The following TUSC3 variants were observed in gnomAD, a reference collection of about 807,000 sequenced individuals.
TUSC3 encodes tumor suppressor candidate 3.
In TUSC3, 45 loss-of-function variants were observed where a neutral mutation model predicts 44.8. That is an observed-to-expected ratio of 1.00 (90% CI 0.79 to 1.29). The LOEUF (loss-of-function observed/expected upper bound fraction) is 1.29, where lower values mean the gene tolerates loss of function less well. Ranked by LOEUF, TUSC3 falls within the 50% of genes most tolerant of loss-of-function variation. TUSC3 has a pLI of 0.00. For missense variants in TUSC3, 519 were observed against 437.9 expected (o/e 1.19, Z -1.65); for synonymous variants, 212 against 152.9 (o/e 1.39, Z -2.85).
the TUSC3 span, among the ~76,000 whole-genome samples, chr8:15,797,355 CT>C: frequency 6.6e-6 from 1 of 151,658 alleles, no homozygotes; most frequent in Non-Finnish European, 1.5e-5. Context: ...TTCTTTTTTT[CT>C]TTTTTTTGGC....
intron 1 of TUSC3, among the ~76,000 whole-genome samples, chr8:15,618,132 G>C (rs774310075): frequency 6.6e-6 from 1 of 152,192 alleles, no homozygotes; most frequent in Non-Finnish European, 1.5e-5. Context: ...AGGCCTGGAG[G>C]TTGCTCTGGG....
chr8:15,529,141 A>G (rs1365704140), intron 2 of TUSC3, among the ~76,000 whole-genome samples: 2 of 152,218 alleles, frequency 1.3e-5, no homozygotes, highest in Non-Finnish European at 2.9e-5. Context: ...TTCTTTAAAT[A>G]TCCGAAGCAC....
chr8:15,692,383 T>TG (rs1563175890), intron 6 of TUSC3, among the ~76,000 whole-genome samples: 2 of 140,418 alleles, frequency 1.4e-5, no homozygotes, highest in Non-Finnish European at 3.1e-5. Context: ...TTGTTTTTTT[T>TG]TTTTTTTTTT....
chr8:15,819,170 T>C, the TUSC3 span, among the ~76,000 whole-genome samples: 1 of 152,342 alleles, frequency 6.6e-6, no homozygotes, highest in Non-Finnish European at 1.5e-5. Flanking sequence ...TCTGGATGTT[T>C]ACGTTTGCAT....
chr8:15,761,198 C>T (rs935582813), intron 10 of TUSC3, among the ~76,000 whole-genome samples: 4 of 152,082 alleles, frequency 2.6e-5, no homozygotes, highest in Non-Finnish European at 5.9e-5. Flanking sequence ...TGCTAATAAA[C>T]CTATGGAATA....
Position 15,746,717 on chromosome 8 carries a change from A to G in TUSC3, c.938-1658A>G, listed in dbSNP as rs578143018. On this transcript the variant is annotated intron_variant, in intron 8 of 10. Coordinates refer to ENST00000503731, the MANE Select transcript of TUSC3 (RefSeq NM_006765.4). The stretch of plus-strand genomic sequence containing the variant: ...ACTAAAAAGGAGCAAAGGGAATGAA[A>G]AGAGTGCTTTATTCTTCTGAAAAAT... Among the ~76,000 whole-genome samples, 247 of 152,214 alleles carry G rather than the reference A, an allele frequency of 1.6e-3. 1 individual carries two copies. Among genetic ancestry groups the G allele is most frequent in the Non-Finnish European group, 1.7e-3 (118 of 67,972 alleles).
At chr8:15,472,844 G>T (rs1319114776) in intron 1 of TUSC3, among the ~76,000 whole-genome samples, 4 of 152,178 alleles carry the variant, frequency 2.6e-5, no homozygotes, top group Non-Finnish European at 5.9e-5. Flanking sequence ...TGGACATAAA[G>T]AGAATGACTA....
At chr8:15,540,132 G>A (rs990167923), upstream of TUSC3, 1 of 376,538 alleles carries the variant, frequency 2.7e-6, no homozygotes, top group Non-Finnish European at 4.7e-6. Flanking sequence ...CCTCAGCGCT[G>A]GTCCGGGAAA....
intron 1 of TUSC3, among the ~76,000 whole-genome samples, chr8:15,455,257 A>G (rs372076056): frequency 2.0e-5 from 3 of 152,174 alleles, no homozygotes; most frequent in African/African-American, 4.8e-5. Flanking sequence ...GTGGATCATA[A>G]TCTAGGAAGC....
chr8:15,591,999 T>A (rs1803862166), intron 1 of TUSC3, among the ~76,000 whole-genome samples: 1 of 152,146 alleles, frequency 6.6e-6, no homozygotes, highest in South Asian at 2.1e-4. Context: ...AGGAGGCAGC[T>A]ATAGTAGTCT....
chr8:15,486,101 T>C (rs1800729366), intron 2 of TUSC3, among the ~76,000 whole-genome samples: 1 of 152,184 alleles, frequency 6.6e-6, no homozygotes, highest in South Asian at 2.1e-4. Flanking sequence ...CTTACTCTGT[T>C]GTCTTTAAGT....
downstream of TUSC3, among the ~76,000 whole-genome samples, chr8:15,770,666 C>T (rs1157023617): frequency 6.6e-6 from 1 of 152,012 alleles, no homozygotes; most frequent in East Asian, 1.9e-4. Flanking sequence ...AGTCATTAGG[C>T]TTGACAGGAG....
intron 2 of TUSC3, among the ~76,000 whole-genome samples, chr8:15,630,463 TATGTC>T (rs56403992): frequency 0.2 from 30,450 of 151,926 alleles, 3,940 homozygotes; most frequent in Non-Finnish European, 0.29. Flanking sequence ...GTATATATAT[TATGTC>T]ATGTGATTCT....
intron 6 of TUSC3, among the ~76,000 whole-genome samples, chr8:15,709,853 G>A (rs566525991): frequency 9.2e-5 from 14 of 151,878 alleles, no homozygotes; most frequent in South Asian, 6.2e-4. Flanking sequence ...TAGCATACTG[G>A]CTCACCTACA....
chr8:15,685,608 G>C (rs976370391), intron 6 of TUSC3, among the ~76,000 whole-genome samples: 6 of 152,128 alleles, frequency 3.9e-5, no homozygotes, highest in Non-Finnish European at 8.8e-5. Context: ...ATTCACTGCA[G>C]TCCTCTGGGC....
the TUSC3 span, among the ~76,000 whole-genome samples, chr8:15,805,893 C>G: frequency 6.6e-6 from 1 of 152,028 alleles, no homozygotes; most frequent in African/African-American, 2.4e-5. Context: ...ATTAGTACCA[C>G]CTGGTACTAC....
chr8:15,593,710 A>G (rs1419637260), intron 1 of TUSC3, among the ~76,000 whole-genome samples: 2 of 152,014 alleles, frequency 1.3e-5, no homozygotes, highest in African/African-American at 4.8e-5. Context: ...TTCTACCATT[A>G]TATTGAAATT....
chr8:15,568,464 T>C (rs778576545), intron 1 of TUSC3, among the ~76,000 whole-genome samples: 3 of 152,208 alleles, frequency 2.0e-5, no homozygotes, highest in Non-Finnish European at 2.9e-5. Flanking sequence ...TATGAACTTA[T>C]AAAGTCCATT....
At position 15,617,139 on chromosome 8, in the gene TUSC3, T is replaced by TATA. The variant is rs772712798; in HGVS notation, c.139-5941_139-5940insATA. 3.3e-4 allele frequency among the ~76,000 whole-genome samples: 20 copies of TATA among 60,190 alleles called. No homozygotes were observed. In the East Asian group the frequency reaches 3.7e-3, roughly 11 times the overall value. The allele number at this position is 60,190 out of a possible 152,430, so 39.5% of individuals were successfully genotyped here. A position where few individuals can be genotyped will look rare whatever the true frequency, so the allele number is the denominator to read the frequency against. ...TGTAAAATGTGTGTGTGTGTATATA[T>TATA]TTTTTTTTTTTTTTTTTTGAGACAG... On this transcript the variant is annotated intron_variant, in intron 1 of 10. Coordinates refer to ENST00000503731, the MANE Select transcript of TUSC3 (RefSeq NM_006765.4).
Sources: gnomAD v4.1 joint callset for allele counts (sites outside exome capture counted in the v4.1 genomes callset) on GRCh38, gnomAD v4.1.1 for gene constraint, MANE v1.5 for transcripts, NCBI Gene and HGNC (gene_info 2026-07-23, HGNC 2026-07-21) for gene names.